The following PKHD1 variants were observed in gnomAD, a reference collection of about 807,000 sequenced individuals.
PKHD1 encodes fibrocystin.
A neutral mutation model predicts 412.0 loss-of-function variants in PKHD1; 291 were observed. That is an observed-to-expected ratio of 0.71 (90% CI 0.64 to 0.78). PKHD1 has a LOEUF of 0.78. Among genes scored for constraint, PKHD1 ranks in the 30% least tolerant of loss-of-function variants. PKHD1 has a pLI of 0.00. For synonymous variants in PKHD1, 1,777 were observed against 1,821.5 expected, an observed-to-expected ratio of 0.98 and a Z score of 0.62; for missense variants, 4,825 against 4,950.7, an observed-to-expected ratio of 0.97 and a Z score of 0.76.
intron 31 of PKHD1, among the ~76,000 whole-genome samples, chr6:52,027,494 T>C (rs1242812565): frequency 7.7e-6 from 1 of 129,876 alleles, no homozygotes; most frequent in Non-Finnish European, 1.5e-5. Context: ...TCAGCACCAT[T>C]GCACTCCAGA....
intron 55 of PKHD1, among the ~76,000 whole-genome samples, chr6:51,757,271 C>T (rs902334088): frequency 1.3e-5 from 2 of 152,178 alleles, no homozygotes; most frequent in African/African-American, 4.8e-5. Context: ...GATTAAAACT[C>T]ATCCACATGA....
chr6:51,684,837 A>T (rs76177715), intron 60 of PKHD1, among the ~76,000 whole-genome samples: 2,585 of 152,140 alleles, frequency 0.017, 73 homozygotes, highest in African/African-American at 0.059. Context: ...CATATTTATA[A>T]CTCCTATGGG....
At chr6:52,070,881 C>G (rs1435235644) in intron 9 of PKHD1, 125 bp downstream of exon 9, 2 of 716,760 alleles carry the variant, frequency 2.8e-6, no homozygotes, top group African/African-American at 3.5e-5. Flanking sequence ...CCAGGGAATT[C>G]TTAACAAATA....
chr6:51,778,968 T>C (rs1194945795), intron 53 of PKHD1, among the ~76,000 whole-genome samples: 1 of 152,124 alleles, frequency 6.6e-6, no homozygotes, highest in Non-Finnish European at 1.5e-5. Context: ...TCCACCGTAA[T>C]TTATTCCTAA....
At chr6:51,967,880 G>C (rs1306918531) in intron 35 of PKHD1, among the ~76,000 whole-genome samples, 1 of 152,170 alleles carries the variant, frequency 6.6e-6, no homozygotes, top group Non-Finnish European at 1.5e-5. Context: ...ACTACAACAT[G>C]TTATTTCCCC....
chr6:52,050,539 T>A (rs1369909093), intron 21 of PKHD1, among the ~76,000 whole-genome samples: 14 of 152,146 alleles, frequency 9.2e-5, no homozygotes, highest in African/African-American at 3.4e-4. Context: ...CATAGAAAAG[T>A]TCAATAACCC....
rs1422980767 is a variant in PKHD1, at chr6:52,070,491, C to G, written c.668-46G>C. ...CATTAACTCAGGAATCTGCACGAGT[C>G]TTCTGGGCCAGGCCATTGCTTTCAT... On this transcript the variant is annotated intron_variant, in intron 9 of 66. Transcript: ENST00000371117. The G allele has an allele frequency of 4.8e-6, 7 of 1,450,232 alleles. No individual in the cohort carries two copies. In the Admixed American group the frequency reaches 6.7e-5, roughly 14 times the overall value. 89.8% of individuals were successfully genotyped at this position (1,450,232 alleles called of 1,614,324 possible).
chr6:51,672,863 G>A (rs1172878443), intron 60 of PKHD1, among the ~76,000 whole-genome samples: 1 of 152,192 alleles, frequency 6.6e-6, no homozygotes. Flanking sequence ...TTCCTTGAAA[G>A]TATGGTACTT....
chr6:51,767,219 TA>T (rs554414412), intron 55 of PKHD1, among the ~76,000 whole-genome samples: 76 of 151,490 alleles, frequency 5.0e-4, no homozygotes, highest in East Asian at 1.9e-3. Flanking sequence ...GGCATACATT[TA>T]AAAAAAAATG....
At chr6:51,764,135 A>G (rs1554226274) in intron 55 of PKHD1, among the ~76,000 whole-genome samples, 1 of 137,132 alleles carries the variant, frequency 7.3e-6, no homozygotes, top group Non-Finnish European at 1.5e-5. Context: ...AGAGTGTGAT[A>G]TTCCCCTTCC....
At chr6:51,753,469 C>T in intron 56 of PKHD1, 116 bp from the exon 57 acceptor site, 1 of 837,166 alleles carries the variant, frequency 1.2e-6, no homozygotes, top group Non-Finnish European at 2.0e-6. Context: ...AGAAGTTCTA[C>T]CAACATTAAG....
chr6:51,859,859 T>C (rs1773911325), intron 48 of PKHD1, among the ~76,000 whole-genome samples: 1 of 152,240 alleles, frequency 6.6e-6, no homozygotes, highest in African/African-American at 2.4e-5. Flanking sequence ...TTTGGTTCTA[T>C]TTGTCTTTGG....
chr6:51,741,363 T>A (rs1582397560), intron 60 of PKHD1, among the ~76,000 whole-genome samples: 1 of 152,208 alleles, frequency 6.6e-6, no homozygotes, highest in Non-Finnish European at 1.5e-5. Context: ...AAGCTTTTTT[T>A]CTTTTGATAA....
At chr6:51,650,610 GA>G (rs1251758088) in intron 61 of PKHD1, among the ~76,000 whole-genome samples, 1 of 152,106 alleles carries the variant, frequency 6.6e-6, no homozygotes, top group African/African-American at 2.4e-5. Flanking sequence ...GATTTGTTCT[GA>G]AAGAGGAAAT....
At chr6:51,721,636 A>G in intron 60 of PKHD1, 1 of 1,125,236 alleles carries the variant, frequency 8.9e-7, no homozygotes, top group Non-Finnish European at 1.1e-6. Flanking sequence ...AGCTTAAGCA[A>G]CCATCCTCTT....
rs1776427464 is a variant in PKHD1, at chr6:51,874,035, C to A, written c.7351-3396G>T. 5.9e-5 allele frequency among the ~76,000 whole-genome samples: 9 copies of A among 151,924 alleles called. 1 individual carries two copies. In the South Asian group the frequency reaches 1.9e-3, roughly 32 times the overall value. ...TATATTGAGAAGAAAAGGGGCCCTA[C>A]AACAGAATTTAGGGAAACAAAAAGA... On this transcript the variant is annotated intron_variant, in intron 46 of 66. Coordinates refer to ENST00000371117, the MANE Select transcript of PKHD1 (RefSeq NM_138694.4).
rs146011224 is a variant in PKHD1, at chr6:51,795,807, G to C, written c.8303-4434C>G. Reference sequence around the variant, plus strand: ...GTGGTTTTGGTCTTTAGTTCTGTTTGTGTAGTGAATCACATTTACTGATTT... The same window carrying C: ...GTGGTTTTGGTCTTTAGTTCTGTTTCTGTAGTGAATCACATTTACTGATTT... On this transcript the variant is annotated intron_variant, in intron 52 of 66. Transcript: ENST00000371117. Among the ~76,000 whole-genome samples the C allele has an allele frequency of 7.4e-3, 1,121 of 152,210 alleles. 4 individuals are homozygous for C. Among genetic ancestry groups the C allele is most frequent in the Non-Finnish European group, 0.013 (864 of 67,990 alleles).
intron 60 of PKHD1, among the ~76,000 whole-genome samples, chr6:51,717,931 G>A (rs1379101636): frequency 6.6e-6 from 1 of 152,180 alleles, no homozygotes; most frequent in Non-Finnish European, 1.5e-5. Flanking sequence ...GTTTTGCCTT[G>A]ACCCTCATCA....
At chr6:51,881,075 CT>C (rs371470393) in intron 46 of PKHD1, among the ~76,000 whole-genome samples, 43,309 of 133,868 alleles carry the variant, frequency 0.32, 4,629 homozygotes, top group Middle Eastern at 0.49. Flanking sequence ...CTTTTTCTTT[CT>C]TTTTTTTTTT....
Sources: allele counts gnomAD v4.1 joint callset (sites outside exome capture counted in the v4.1 genomes callset), GRCh38; gene constraint gnomAD v4.1.1; transcripts MANE v1.5; gene names NCBI Gene and HGNC (gene_info 2026-07-23, HGNC 2026-07-21).